DRC11L: variants seen among roughly 807,000 people sequenced by gnomAD.
DRC11L encodes dynein regulatory complex subunit 11 like, also known as dynein regulatory complex subunit like-11.
the DRC11L span, chr7:151,200,473 G>A: frequency 2.5e-6 from 1 of 398,852 alleles, no homozygotes; most frequent in Non-Finnish European, 4.4e-6. Flanking sequence ...GGGATGTAGG[G>A]GACACACAGG....
chr7:151,198,366 G>T, the DRC11L span, among the ~76,000 whole-genome samples: 1 of 152,050 alleles, frequency 6.6e-6, no homozygotes, highest in African/African-American at 2.4e-5. Flanking sequence ...AGACAGTTGG[G>T]TAGACGGGTG....
chr7:151,197,754 C>G, the DRC11L span: 3 of 396,046 alleles, frequency 7.6e-6, no homozygotes, highest in Non-Finnish European at 1.3e-5. Context: ...CCACCCCACT[C>G]GCTATTCTCT....
the DRC11L span, chr7:151,200,319 TG>T: frequency 2.5e-6 from 1 of 399,162 alleles, no homozygotes; most frequent in Non-Finnish European, 4.4e-6. Context: ...CTGCTCTGGG[TG>T]GGGGCCCTGC....
the DRC11L span, among the ~76,000 whole-genome samples, chr7:151,193,960 G>C: frequency 6.6e-6 from 1 of 151,912 alleles, no homozygotes; most frequent in South Asian, 2.1e-4. Context: ...AAGCTCTTCA[G>C]CTCAGGGGGT....
the DRC11L span, chr7:151,197,923 T>C: frequency 2.5e-6 from 1 of 398,676 alleles, no homozygotes; most frequent in Non-Finnish European, 4.4e-6. Context: ...GAACAAAAGA[T>C]GATTGGACAG....
the DRC11L span, chr7:151,204,601 G>A: frequency 5.0e-6 from 2 of 399,056 alleles, no homozygotes; most frequent in East Asian, 7.1e-5. Flanking sequence ...TCCAGCACGC[G>A]GCCCGCCACG....
At chr7:151,195,789 G>T in the DRC11L span, 1 of 395,838 alleles carries the variant, frequency 2.5e-6, no homozygotes, top group South Asian at 1.4e-4. Flanking sequence ...GATGAAGGCA[G>T]TAGGGACAGC....
At chr7:151,194,460 G>A in the DRC11L span, 1 of 399,014 alleles carries the variant, frequency 2.5e-6, no homozygotes, top group Non-Finnish European at 4.4e-6. Flanking sequence ...ATGGGGGTAG[G>A]GGAGCCTTGG....
chr7:151,198,950 G>T, the DRC11L span: 1 of 399,132 alleles, frequency 2.5e-6, no homozygotes, highest in South Asian at 1.3e-4. Context: ...CATCCTCCAC[G>T]AGGCATGGCT....
the DRC11L span, chr7:151,194,150 G>A: frequency 2.5e-6 from 1 of 392,220 alleles, no homozygotes; most frequent in Non-Finnish European, 4.5e-6. Flanking sequence ...GGGGCTTGGA[G>A]GCCCAGGCTG....
the DRC11L span, chr7:151,196,523 G>A: frequency 1.8e-5 from 7 of 399,548 alleles, no homozygotes; most frequent in Admixed American, 2.2e-4. Flanking sequence ...TCTGACTGGG[G>A]TGTATGCTCT....
At chr7:151,191,029 A>G in the DRC11L span, 39 of 400,080 alleles carry the variant, frequency 9.7e-5, no homozygotes, top group East Asian at 1.4e-3. Context: ...CTCGGCCTCC[A>G]ACTGGTCCAT....
the DRC11L span, among the ~76,000 whole-genome samples, chr7:151,202,221 CAA>C: frequency 6.6e-6 from 1 of 152,158 alleles, no homozygotes; most frequent in Non-Finnish European, 1.5e-5. Flanking sequence ...TCATCATGAT[CAA>C]GTTTCCCTCT....
the DRC11L span, chr7:151,196,394 G>T: frequency 7.5e-6 from 3 of 399,044 alleles, no homozygotes; most frequent in African/African-American, 2.1e-5. Flanking sequence ...TGTGGGTTAT[G>T]GGGGAGGGTA....
the DRC11L span, chr7:151,194,465 C>G: frequency 2.5e-6 from 1 of 398,838 alleles, no homozygotes; most frequent in African/African-American, 2.1e-5. Flanking sequence ...GGTAGGGGAG[C>G]CTTGGCACCT....
At chr7:151,192,045 G>T in the DRC11L span, among the ~76,000 whole-genome samples, 1 of 152,180 alleles carries the variant, frequency 6.6e-6, no homozygotes, top group Non-Finnish European at 1.5e-5. Context: ...CTCAAGCTAG[G>T]CAAGGGTCAT....
the DRC11L span, chr7:151,192,643 G>C: frequency 5.0e-6 from 2 of 399,058 alleles, no homozygotes; most frequent in South Asian, 2.6e-4. Flanking sequence ...CAAGGCCCCA[G>C]TGGTTGGGGT....
chr7:151,197,969 G>T, the DRC11L span: 1 of 394,586 alleles, frequency 2.5e-6, no homozygotes, highest in Non-Finnish European at 4.5e-6. Context: ...TGGATGGATG[G>T]ATAGGTAGAC....
the DRC11L span, chr7:151,192,726 C>T: frequency 7.5e-6 from 3 of 399,266 alleles, no homozygotes; most frequent in Non-Finnish European, 1.3e-5. Context: ...ACGGCCTTCA[C>T]ATCCATGCTC....
Sources: gnomAD v4.1 joint callset for allele counts (sites outside exome capture counted in the v4.1 genomes callset) on GRCh38, gnomAD v4.1.1 for gene constraint, MANE v1.5 for transcripts, NCBI Gene and HGNC (gene_info 2026-07-23, HGNC 2026-07-21) for gene names.